Variants in NCMAP observed in about 807,000 individuals in gnomAD.
NCMAP encodes noncompact myelin-associated protein.
A neutral mutation model predicts 7.8 loss-of-function variants in NCMAP; 8 were observed. The ratio of observed to expected loss-of-function variants is 1.02; its 90% CI spans 0.60 to 1.84. NCMAP has a LOEUF of 1.84. NCMAP is among the 40% of genes most tolerant of loss of function. NCMAP has a pLI of 0.00. For missense variants in NCMAP, 112 were observed against 131.4 expected, an observed-to-expected ratio of 0.85 and a Z score of 0.72; for synonymous variants, 41 against 52.9, an observed-to-expected ratio of 0.78 and a Z score of 0.98.
chr1:24,597,506 A>T (rs889157094), intron 2 of NCMAP, among the ~76,000 whole-genome samples: 1 of 81,538 alleles, frequency 1.2e-5, no homozygotes, highest in East Asian at 4.8e-4. Context: ...TGTCAAAAAA[A>T]GAAAGAGAAG....
chr1:24,574,929 G>A lies in NCMAP; in HGVS notation c.-8+18760G>A, dbSNP rs139513388. Reference sequence around the variant, plus strand: ...TCCCGCCTCAGCCTCCCAAGTAGCTGGGATTACAGGCACCACCATCATGCC... The same window carrying A: ...TCCCGCCTCAGCCTCCCAAGTAGCTAGGATTACAGGCACCACCATCATGCC... On this transcript the variant is annotated intron_variant, in intron 1 of 3. Transcript: ENST00000374392. 7.6e-5 allele frequency among the ~76,000 whole-genome samples: 11 copies of A among 145,446 alleles called. No individual in the cohort carries two copies. The East Asian group carries it at 2.1e-3, about 27-fold the overall frequency.
intron 1 of NCMAP, among the ~76,000 whole-genome samples, chr1:24,584,101 C>T (rs900233974): frequency 6.6e-6 from 1 of 152,202 alleles, no homozygotes; most frequent in African/African-American, 2.4e-5. Flanking sequence ...GACATATTCA[C>T]TGAGGGGCAT....
At chr1:24,604,373 A>G (rs1652610749) in intron 3 of NCMAP, among the ~76,000 whole-genome samples, 1 of 151,216 alleles carries the variant, frequency 6.6e-6, no homozygotes, top group South Asian at 2.1e-4. Flanking sequence ...CCAGGAGTTC[A>G]AGACCAGCCT....
chr1:24,575,791 C>T (rs1199748110), intron 1 of NCMAP, among the ~76,000 whole-genome samples: 1 of 150,600 alleles, frequency 6.6e-6, no homozygotes, highest in Non-Finnish European at 1.5e-5. Context: ...GCTAAAAATA[C>T]AAAATTAGCC....
intron 1 of NCMAP, among the ~76,000 whole-genome samples, chr1:24,575,931 A>G (rs977486720): frequency 6.6e-6 from 1 of 151,526 alleles, no homozygotes; most frequent in African/African-American, 2.4e-5. Context: ...AAAAAAAAAA[A>G]AAAAAAAAAA....
intron 1 of NCMAP, among the ~76,000 whole-genome samples, chr1:24,588,754 C>A (rs914156984): frequency 6.6e-6 from 1 of 152,170 alleles, no homozygotes; most frequent in Non-Finnish European, 1.5e-5. Context: ...TAAATGTGAT[C>A]GAGGCTCTGC....
chr1:24,561,535 C>T (rs760251251), intron 1 of NCMAP, among the ~76,000 whole-genome samples: 1 of 152,170 alleles, frequency 6.6e-6, no homozygotes, highest in Non-Finnish European at 1.5e-5. Flanking sequence ...GGTCCTCCAG[C>T]TAACAAGCAC....
intron 1 of NCMAP, among the ~76,000 whole-genome samples, chr1:24,563,243 C>G (rs1430525764): frequency 2.0e-5 from 3 of 152,184 alleles, no homozygotes; most frequent in Non-Finnish European, 4.4e-5. Flanking sequence ...GTGACTTGGC[C>G]GGGCAAGGTG....
At chr1:24,566,010 C>A (rs1235052636) in intron 1 of NCMAP, among the ~76,000 whole-genome samples, 1 of 152,128 alleles carries the variant, frequency 6.6e-6, no homozygotes. Context: ...CTTGGCACCT[C>A]TCCTACCTGC....
intron 2 of NCMAP, among the ~76,000 whole-genome samples, chr1:24,599,395 C>T (rs1652381461): frequency 6.6e-6 from 1 of 151,906 alleles, no homozygotes; most frequent in South Asian, 2.1e-4. Flanking sequence ...TCATCACAGC[C>T]TTGTTTTTAA....
At chr1:24,598,934 A>AG (rs1652356155) in intron 2 of NCMAP, among the ~76,000 whole-genome samples, 1 of 151,138 alleles carries the variant, frequency 6.6e-6, no homozygotes, top group African/African-American at 2.4e-5. Flanking sequence ...CACCAAACCC[A>AG]GCAGTTCTTG....
chr1:24,586,326 A>G (rs938851337), intron 1 of NCMAP, among the ~76,000 whole-genome samples: 1 of 152,242 alleles, frequency 6.6e-6, no homozygotes, highest in East Asian at 1.9e-4. Context: ...GTCAAGGCTA[A>G]CAGGGATCAA....
chr1:24,591,038 G>C (rs567293936), intron 1 of NCMAP, among the ~76,000 whole-genome samples: 1 of 151,796 alleles, frequency 6.6e-6, no homozygotes, highest in South Asian at 2.1e-4. Context: ...CGGCGAAGGA[G>C]AGAAGACCCA....
chr1:24,595,506 TATAAGAGTAAGG>T lies in NCMAP; in HGVS notation c.77_82+6del. 6.2e-7 allele frequency: 1 copy of T among 1,612,478 alleles called. No individual in the cohort carries two copies. The highest frequency in any genetic ancestry group is 8.5e-7 in the Non-Finnish European group (1 of 1,178,534). The stretch of plus-strand genomic sequence containing the variant: ...GACCACCAGGGGAGAAGACTTCCTG[TATAAGAGTAAGG>T]TCAAATTCGCTTAGAGGCTGGGGGA... On this transcript the variant is annotated splice_donor_variant and splice_donor_5th_base_variant and coding_sequence_variant and intron_variant, in exon 2 of 4. Coordinates refer to ENST00000374392, the MANE Select transcript of NCMAP (RefSeq NM_001010980.5). LOFTEE classifies it high-confidence loss of function.
chr1:24,592,845 G>C (rs2148934793), intron 1 of NCMAP, among the ~76,000 whole-genome samples: 1 of 152,212 alleles, frequency 6.6e-6, no homozygotes, highest in African/African-American at 2.4e-5. Flanking sequence ...CGTGAACCCG[G>C]GAGGCGGAGC....
chr1:24,588,755 G>A (rs945563976), intron 1 of NCMAP, among the ~76,000 whole-genome samples: 7 of 152,160 alleles, frequency 4.6e-5, no homozygotes, highest in Admixed American at 6.5e-5. Flanking sequence ...AAATGTGATC[G>A]AGGCTCTGCT....
chr1:24,589,782 C>G (rs1207267864), intron 1 of NCMAP, among the ~76,000 whole-genome samples: 1 of 152,170 alleles, frequency 6.6e-6, no homozygotes, highest in Non-Finnish European at 1.5e-5. Flanking sequence ...AGCTCTGTAG[C>G]TTTGGGGCTA....
intron 1 of NCMAP, among the ~76,000 whole-genome samples, chr1:24,586,471 G>A (rs187013415): frequency 4.6e-5 from 7 of 152,254 alleles, no homozygotes; most frequent in Non-Finnish European, 1.0e-4. Context: ...AGTTTATAAA[G>A]TTCCTTCACG....
At chr1:24,595,107 T>G (rs2148935659) in intron 1 of NCMAP, among the ~76,000 whole-genome samples, 1 of 152,262 alleles carries the variant, frequency 6.6e-6, no homozygotes, top group Admixed American at 6.5e-5. Flanking sequence ...GGGACTTTGA[T>G]TTCACCAGTA....
Sources: allele counts gnomAD v4.1 joint callset (sites outside exome capture counted in the v4.1 genomes callset), GRCh38; gene constraint gnomAD v4.1.1; transcripts MANE v1.5; gene names NCBI Gene and HGNC (gene_info 2026-07-23, HGNC 2026-07-21).